The following GREB1 variants were observed in gnomAD, a reference collection of about 807,000 sequenced individuals.
GREB1 encodes growth regulating estrogen receptor binding 1.
Under a neutral mutation model 200.7 loss-of-function variants are expected in GREB1, and 106 were observed. The observed-to-expected ratio is 0.53, with a 90% CI of 0.45 to 0.62. The LOEUF (loss-of-function observed/expected upper bound fraction) is 0.62, where lower values mean the gene tolerates loss of function less well. GREB1 is among the 20% of genes least tolerant of loss of function. The pLI is 0.00. For missense variants in GREB1, 2,243 were observed against 2,556.8 expected, an observed-to-expected ratio of 0.88 and a Z score of 2.65; for synonymous variants, 1,132 against 1,092.4, an observed-to-expected ratio of 1.04 and a Z score of -0.72.
At chr2:11,525,174 G>A (rs1306028449) in intron 1 of GREB1, among the ~76,000 whole-genome samples, 2 of 152,084 alleles carry the variant, frequency 1.3e-5, no homozygotes, top group Non-Finnish European at 2.9e-5. Flanking sequence ...ATACTGATAT[G>A]AGCCAAGCAA....
In GREB1 at chr2:11,640,861, C is replaced by T. The variant is rs529260559; in HGVS notation, c.*407C>T. ...AGATGGGATTTCAGCCAAGTAGGTT[C>T]CCCTGTAACCTCCTACAAAGCAATA... is the stretch of plus-strand genomic sequence containing the variant. On this transcript the variant is annotated 3_prime_UTR_variant, in exon 33 of 33. Transcript: ENST00000381486. The surrounding 1 kb of genome is among the most constrained non-coding windows in gnomAD (Gnocchi z 4.6). 31 of 174,142 alleles carry T rather than the reference C, an allele frequency of 1.8e-4. No homozygotes were observed. The Middle Eastern group carries it at 0.013, about 74-fold the overall frequency. 10.8% of individuals were successfully genotyped at this position (174,142 alleles called of 1,614,324 possible).
chr2:11,544,443 C>G (rs890756778), intron 1 of GREB1, among the ~76,000 whole-genome samples: 3 of 152,104 alleles, frequency 2.0e-5, no homozygotes, highest in Admixed American at 6.5e-5. Flanking sequence ...GTCTCGATCT[C>G]CTGACTTTGT....
chr2:11,564,763 C>A (rs1451379281), intron 3 of GREB1, among the ~76,000 whole-genome samples: 2 of 152,192 alleles, frequency 1.3e-5, no homozygotes, highest in Non-Finnish European at 1.5e-5. Context: ...TGTATTAGTC[C>A]ATTTTCACAC....
At chr2:11,568,982 A>G (rs1572739917) in intron 4 of GREB1, among the ~76,000 whole-genome samples, 1 of 152,368 alleles carries the variant, frequency 6.6e-6, no homozygotes, top group African/African-American at 2.4e-5. Context: ...CTGCAGCGGC[A>G]GGGCTCAGTG....
intron 22 of GREB1, among the ~76,000 whole-genome samples, chr2:11,619,769 G>T (rs568307437): frequency 1.3e-5 from 2 of 152,028 alleles, no homozygotes; most frequent in South Asian, 4.2e-4. Flanking sequence ...TTGTTGATTT[G>T]TGGAAGTGCT....
intron 23 of GREB1, among the ~76,000 whole-genome samples, chr2:11,622,921 C>T (rs1351383665): frequency 6.6e-6 from 1 of 152,212 alleles, no homozygotes; most frequent in African/African-American, 2.4e-5. Flanking sequence ...ATGGAGATAG[C>T]TCTGAATGCA....
chr2:11,520,232 A>C (rs1470348699), intron 1 of GREB1, among the ~76,000 whole-genome samples: 2 of 152,234 alleles, frequency 1.3e-5, no homozygotes, highest in Non-Finnish European at 2.9e-5. Context: ...TTTCATCTTT[A>C]TAGCAAACCT....
chr2:11,562,337 T>C, intron 2 of GREB1, 126 bp from the exon 3 acceptor site: 2 of 1,235,560 alleles, frequency 1.6e-6, no homozygotes, highest in Non-Finnish European at 1.1e-6. Flanking sequence ...GTGGAACCCA[T>C]TCTGGATTAG....
chr2:11,521,898 T>C (rs1348813644), intron 1 of GREB1, among the ~76,000 whole-genome samples: 8 of 152,228 alleles, frequency 5.3e-5, no homozygotes, highest in Admixed American at 6.5e-5. Context: ...TGTACTCCAC[T>C]GTACCAGGCC....
intron 9 of GREB1, chr2:11,587,744 C>CA (rs1452766103): frequency 1.8e-4 from 207 of 1,169,030 alleles, no homozygotes; most frequent in Middle Eastern, 7.0e-4. Flanking sequence ...CACACACACG[C>CA]CACCTTTGGG....
intron 1 of GREB1, among the ~76,000 whole-genome samples, chr2:11,551,614 A>G (rs1046497769): frequency 3.9e-5 from 6 of 152,220 alleles, no homozygotes; most frequent in African/African-American, 1.4e-4. Flanking sequence ...TTTCTAGAGT[A>G]TGTCTGTTCC....
chr2:11,497,885 T>C (rs1029363486), intron 1 of GREB1, among the ~76,000 whole-genome samples: 2 of 151,872 alleles, frequency 1.3e-5, no homozygotes, highest in African/African-American at 4.8e-5. Context: ...TACTAGTCCT[T>C]TGTTGTATAT....
intron 2 of GREB1, among the ~76,000 whole-genome samples, chr2:11,562,108 G>A (rs1677115055): frequency 6.6e-6 from 1 of 152,234 alleles, no homozygotes; most frequent in African/African-American, 2.4e-5. Flanking sequence ...AACCTCTAGT[G>A]TACGCGCAGC....
intron 27 of GREB1, 104 bp downstream of exon 27, chr2:11,632,217 C>G: frequency 1.3e-6 from 1 of 769,030 alleles, no homozygotes; most frequent in Non-Finnish European, 2.1e-6. Flanking sequence ...AGGCCTTTTA[C>G]TTTTGGACTT....
At chr2:11,558,607 G>T (rs1453505265) in intron 2 of GREB1, among the ~76,000 whole-genome samples, 1 of 152,204 alleles carries the variant, frequency 6.6e-6, no homozygotes, top group African/African-American at 2.4e-5. Flanking sequence ...AAACAAGGGG[G>T]CTGATGGGGC....
In GREB1 at chr2:11,548,684, T is replaced by A. The variant is rs529134355; in HGVS notation, c.-161-7770T>A. The stretch of plus-strand genomic sequence containing the variant: ...CCTGCTCCAGTGTGGATCATTTAGC[T>A]GTTCTCATCATCACCTTGTGAGTCC... On this transcript the variant is annotated intron_variant, in intron 1 of 32. Transcript: ENST00000381486. The surrounding 1 kb of genome is among the most constrained non-coding windows in gnomAD (Gnocchi z 5.1). 6.6e-6 allele frequency among the ~76,000 whole-genome samples: 1 copy of A among 152,278 alleles called. No individual in the cohort carries two copies. The highest frequency in any genetic ancestry group is 2.1e-4 in the South Asian group (1 of 4,822).
chr2:11,558,183 T>C (rs55721526), intron 2 of GREB1, among the ~76,000 whole-genome samples: 5,738 of 152,286 alleles, frequency 0.038, 225 homozygotes, highest in African/African-American at 0.091. Flanking sequence ...CATACTCAGC[T>C]TTGGCCAAGC....
chr2:11,498,716 C>T (rs1218497296), intron 1 of GREB1, among the ~76,000 whole-genome samples: 1 of 152,196 alleles, frequency 6.6e-6, no homozygotes, highest in East Asian at 1.9e-4. Context: ...ACTTGGCGTC[C>T]TGGGCTGATC....
intron 10 of GREB1, among the ~76,000 whole-genome samples, chr2:11,590,960 A>T (rs1680666182): frequency 6.6e-6 from 1 of 152,174 alleles, no homozygotes; most frequent in African/African-American, 2.4e-5. Flanking sequence ...GGGTTTGGCC[A>T]TGGGAAGCGG....
Sources: allele counts gnomAD v4.1 joint callset (sites outside exome capture counted in the v4.1 genomes callset), GRCh38; gene constraint gnomAD v4.1.1; non-coding constraint Gnocchi (gnomAD v3.1); transcripts MANE v1.5; gene names NCBI Gene and HGNC (gene_info 2026-07-23, HGNC 2026-07-21).